UBE2D1: variants seen among roughly 807,000 people sequenced by gnomAD.
UBE2D1 encodes ubiquitin conjugating enzyme E2 D1.
UBE2D1 carries 9 observed loss-of-function variants against 24.6 expected under a neutral mutation model. The observed-to-expected ratio is 0.37, with a 90% CI of 0.22 to 0.64. The LOEUF (loss-of-function observed/expected upper bound fraction) is 0.64, where lower values mean the gene tolerates loss of function less well. Ranked by LOEUF, UBE2D1 falls within the 30% of genes least tolerant of loss-of-function variation. The pLI is 0.64. For missense variants in UBE2D1, 87 were observed against 177.1 expected (o/e 0.49, Z 2.89); for synonymous variants, 57 against 57.6 (o/e 0.99, Z 0.04).
chr10:58,349,606 CT>C (rs530607990), intron 1 of UBE2D1, among the ~76,000 whole-genome samples: 4 of 151,922 alleles, frequency 2.6e-5, no homozygotes, highest in East Asian at 1.9e-4. Context: ...GATCCTTGCC[CT>C]TTTTTTTATG....
chr10:58,335,826 C>T (rs949655330), intron 1 of UBE2D1, among the ~76,000 whole-genome samples: 1 of 152,198 alleles, frequency 6.6e-6, no homozygotes, highest in Non-Finnish European at 1.5e-5. Context: ...GGTGCCTCTG[C>T]TGCTGCCACT....
intron 1 of UBE2D1, among the ~76,000 whole-genome samples, chr10:58,353,910 A>G (rs909677919): frequency 6.6e-6 from 1 of 152,202 alleles, no homozygotes; most frequent in African/African-American, 2.4e-5. Flanking sequence ...TTTTCTTTAA[A>G]TTTTATTGCT....
intron 1 of UBE2D1, among the ~76,000 whole-genome samples, chr10:58,339,267 G>C (rs535083209): frequency 1.3e-5 from 2 of 152,106 alleles, no homozygotes; most frequent in Non-Finnish European, 2.9e-5. Context: ...CACCACACCT[G>C]GCTAATTTTT....
chr10:58,366,196 T>C (rs1840253489), intron 5 of UBE2D1, among the ~76,000 whole-genome samples: 1 of 152,242 alleles, frequency 6.6e-6, no homozygotes, highest in Non-Finnish European at 1.5e-5. Flanking sequence ...ATAAAAGAAA[T>C]GGCAAACTGC....
chr10:58,339,590 A>T (rs1212450110), intron 1 of UBE2D1, among the ~76,000 whole-genome samples: 1 of 152,100 alleles, frequency 6.6e-6, no homozygotes, highest in African/African-American at 2.4e-5. Context: ...ACATATATTA[A>T]TTGACTTAAT....
rs1840236524 is a variant in UBE2D1, at chr10:58,364,666, T to G, written c.199-105T>G. 3 of 724,822 alleles carry G rather than the reference T, an allele frequency of 4.1e-6. No homozygotes were observed. In the East Asian group the frequency reaches 8.0e-5, roughly 19 times the overall value. 44.9% of individuals were successfully genotyped at this position (724,822 alleles called of 1,614,324 possible). On this transcript the variant is annotated intron_variant, in intron 4 of 6. Transcript: ENST00000373910. The stretch of plus-strand genomic sequence containing the variant: ...TGTTGATGACTTTTCTCCTCTAAAG[T>G]TATGTAAAGTTGAGGATATTTTACC...
At chr10:58,345,264 A>G (rs1003163033) in intron 1 of UBE2D1, among the ~76,000 whole-genome samples, 1 of 152,108 alleles carries the variant, frequency 6.6e-6, no homozygotes, top group Non-Finnish European at 1.5e-5. Context: ...TGAGCCCAGG[A>G]GTTTGAGACC....
In UBE2D1 at chr10:58,361,358, C is replaced by T. The variant is rs1366375368; in HGVS notation, c.45C>T (p.Arg15=). The stretch of plus-strand genomic sequence containing the variant: ...TTCAGGAATTGAGTGATCTACAGCG[C>T]GATCCACCTGCTCACTGTTCAGCTG... ...RIQKELSDLQ[R]DPPAHCSAGP... Residue 15 remains arginine, a synonymous_variant, in exon 2 of 7, where the codon CGC becomes CGT. Coordinates refer to ENST00000373910, the MANE Select transcript of UBE2D1 (RefSeq NM_003338.5). The T allele has an allele frequency of 1.7e-5, 27 of 1,614,026 alleles. No individual in the cohort carries two copies. The highest frequency in any genetic ancestry group is 3.3e-5 in the Admixed American group (2 of 59,992).
chr10:58,352,541 G>A (rs1473032154), intron 1 of UBE2D1, among the ~76,000 whole-genome samples: 1 of 151,920 alleles, frequency 6.6e-6, no homozygotes, highest in Non-Finnish European at 1.5e-5. Flanking sequence ...TTGAGCGCAG[G>A]AGTTTGAGTC....
At chr10:58,362,168 A>G (rs1262302369) in intron 3 of UBE2D1, among the ~76,000 whole-genome samples, 2 of 152,152 alleles carry the variant, frequency 1.3e-5, no homozygotes, top group African/African-American at 4.8e-5. Flanking sequence ...TTTTCTTTCT[A>G]TGAGCAAAAA....
intron 1 of UBE2D1, among the ~76,000 whole-genome samples, chr10:58,340,861 G>A (rs1420233586): frequency 6.6e-6 from 1 of 152,082 alleles, no homozygotes; most frequent in Admixed American, 6.5e-5. Flanking sequence ...ACATGAACTC[G>A]TATCTATTGT....
At chr10:58,356,424 T>C (rs1202507676) in intron 1 of UBE2D1, among the ~76,000 whole-genome samples, 1 of 152,320 alleles carries the variant, frequency 6.6e-6, no homozygotes, top group South Asian at 2.1e-4. Flanking sequence ...TCTGTTTCAC[T>C]GTTTTAAATA....
chr10:58,344,870 T>G (rs893936611), intron 1 of UBE2D1, among the ~76,000 whole-genome samples: 5 of 150,976 alleles, frequency 3.3e-5, no homozygotes, highest in Non-Finnish European at 5.9e-5. Flanking sequence ...TTTTTTTGTT[T>G]TTTTTTTTTT....
Position 58,335,067 on chromosome 10 carries a change from C to G in UBE2D1, c.-135C>G, listed in dbSNP as rs997333950. Reference sequence around the variant, plus strand: ...AGCAGGGACCGGCGCCCGGAGCGAGCCAGGGAGCGGCTAACCGGGGACCCA... The same window carrying G: ...AGCAGGGACCGGCGCCCGGAGCGAGGCAGGGAGCGGCTAACCGGGGACCCA... On this transcript the variant is annotated 5_prime_UTR_variant, in exon 1 of 7. Transcript: ENST00000373910. 13 of 927,092 alleles carry G rather than the reference C, an allele frequency of 1.4e-5. No individual in the cohort carries two copies. The African/African-American group carries it at 2.3e-4, about 16-fold the overall frequency. 57.4% of individuals were successfully genotyped at this position (927,092 alleles called of 1,614,324 possible). A position where few individuals can be genotyped will look rare whatever the true frequency, so the allele number is the denominator to read the frequency against.
chr10:58,370,594 C>T lies in UBE2D1; in HGVS notation c.*1829C>T, dbSNP rs1176022341. 2 of 151,994 alleles carry T rather than the reference C, an allele frequency of 1.3e-5. No homozygotes were observed. Among genetic ancestry groups the T allele is most frequent in the East Asian group, 3.8e-4 (2 of 5,260 alleles). The allele number at this position is 151,994 out of a possible 1,614,324, so 9.4% of individuals were successfully genotyped here. A position where few individuals can be genotyped will look rare whatever the true frequency, so the allele number is the denominator to read the frequency against. Reference sequence around the variant, plus strand: ...TGCCCTGAATTTGAACACTCAACATCACTAGATTTAAATATTTAGTATATT... The same window carrying T: ...TGCCCTGAATTTGAACACTCAACATTACTAGATTTAAATATTTAGTATATT... On this transcript the variant is annotated 3_prime_UTR_variant, in exon 7 of 7. Coordinates refer to ENST00000373910, the MANE Select transcript of UBE2D1 (RefSeq NM_003338.5).
intron 1 of UBE2D1, 137 bp downstream of exon 1, chr10:58,335,362 C>G: frequency 9.0e-7 from 1 of 1,106,886 alleles, no homozygotes; most frequent in South Asian, 1.7e-5. Context: ...GAGCTGAAGG[C>G]TCGGGCCGGG....
intron 1 of UBE2D1, among the ~76,000 whole-genome samples, chr10:58,356,528 A>G (rs1589001201): frequency 2.0e-5 from 3 of 152,250 alleles, no homozygotes; most frequent in Non-Finnish European, 4.4e-5. Context: ...ATACTTATAC[A>G]AGATGCTGCA....
intron 1 of UBE2D1, among the ~76,000 whole-genome samples, chr10:58,338,626 C>T (rs1839929153): frequency 6.6e-6 from 1 of 151,858 alleles, no homozygotes. Context: ...TTTTAAATTA[C>T]AGGTGTTAAT....
chr10:58,370,678 A>AAAC lies in UBE2D1; in HGVS notation c.*1913_*1914insAAC, dbSNP rs1290967384. 1 of 152,124 alleles carries AAAC rather than the reference A, an allele frequency of 6.6e-6. No homozygotes were observed. Among genetic ancestry groups the AAAC allele is most frequent in the African/African-American group, 2.4e-5 (1 of 41,294 alleles). The allele number at this position is 152,124 out of a possible 1,614,324, so 9.4% of individuals were successfully genotyped here. On this transcript the variant is annotated 3_prime_UTR_variant, in exon 7 of 7. Coordinates refer to ENST00000373910, the MANE Select transcript of UBE2D1 (RefSeq NM_003338.5). The stretch of plus-strand genomic sequence containing the variant: ...TCACTTTAAACAAAAAAAAAAAACA[A>AAAC]CTTTCATTTGTGTGGCATTTATTTT...
Sources: gnomAD v4.1 joint callset for allele counts (sites outside exome capture counted in the v4.1 genomes callset) on GRCh38, gnomAD v4.1.1 for gene constraint, MANE v1.5 for transcripts, NCBI Gene and HGNC (gene_info 2026-07-23, HGNC 2026-07-21) for gene names.